The following CR1 variants were observed in gnomAD, a reference collection of about 807,000 sequenced individuals.
The protein encoded by CR1 is complement receptor type 1.
In CR1, 116 loss-of-function variants were observed where a neutral mutation model predicts 187.3. That is an observed-to-expected ratio of 0.62 (90% CI 0.53 to 0.72). CR1 has a LOEUF of 0.72. CR1 is among the 30% of genes least tolerant of loss of function. CR1 has a pLI of 0.00. For missense variants in CR1, 1,731 were observed against 2,110.7 expected (o/e 0.82, Z 3.52); for synonymous variants, 576 against 747.1 (o/e 0.77, Z 3.73).
chr1:207,588,237 G>T (rs1661169150), intron 34 of CR1, among the ~76,000 whole-genome samples: 1 of 152,120 alleles, frequency 6.6e-6, no homozygotes, highest in South Asian at 2.1e-4. Context: ...GGAGTGTAGT[G>T]GCGCGATCTT....
intron 43 of CR1, among the ~76,000 whole-genome samples, chr1:207,620,475 C>T (rs1662282015): frequency 6.6e-6 from 1 of 152,182 alleles, no homozygotes. Flanking sequence ...TTAGAAATTA[C>T]GTATCATTGA....
Position 207,587,459 on chromosome 1 carries a change from C to T in CR1, c.5604C>T (p.Val1868=), listed in dbSNP as rs12144461. 1.0e-2 allele frequency: 16,064 copies of T among 1,613,872 alleles called. 110 individuals are homozygous for T. The highest frequency in any genetic ancestry group is 0.011 in the Non-Finnish European group (13,155 of 1,179,780). ...CAATTAATGACTTTGAGTTTCCAGT[C>T]GGGACATCTTTGAATTATGAATGCC... ...TIPINDFEFP[V]GTSLNYECRP... is the part of the protein sequence containing the mutation. Residue 1868 remains valine, a synonymous_variant, in exon 34 of 47, where the codon GTC becomes GTT. Coordinates refer to ENST00000367049, the MANE Select transcript of CR1 (RefSeq NM_000651.6).
At chr1:207,568,123 G>A in intron 25 of CR1, 81 bp downstream of exon 25, 1 of 1,608,366 alleles carries the variant, frequency 6.2e-7, no homozygotes, top group Middle Eastern at 1.7e-4. Flanking sequence ...TTACAGTGTA[G>A]TATTTATTTG....
chr1:207,586,402 C>G (rs1661113923), intron 33 of CR1, among the ~76,000 whole-genome samples: 1 of 152,222 alleles, frequency 6.6e-6, no homozygotes, highest in South Asian at 2.1e-4. Flanking sequence ...TCCCAAAGTG[C>G]TGGGACTACA....
chr1:207,608,018 T>C (rs1661802403), intron 36 of CR1, among the ~76,000 whole-genome samples: 1 of 152,054 alleles, frequency 6.6e-6, no homozygotes, highest in Non-Finnish European at 1.5e-5. Context: ...TAAACAAAAG[T>C]AAAGTAAATA....
chr1:207,605,624 C>G (rs1661728528), intron 35 of CR1, among the ~76,000 whole-genome samples: 1 of 152,076 alleles, frequency 6.6e-6, no homozygotes, highest in Non-Finnish European at 1.5e-5. Context: ...CTCTAGGAGG[C>G]CAAAAGTCAG....
At chr1:207,588,431 A>G (rs1661174475) in intron 34 of CR1, among the ~76,000 whole-genome samples, 1 of 152,192 alleles carries the variant, frequency 6.6e-6, no homozygotes, top group Non-Finnish European at 1.5e-5. Flanking sequence ...TCGGCCTCCC[A>G]AAGTGCTAGG....
At chr1:207,582,924 G>A (rs1661001625) in intron 32 of CR1, among the ~76,000 whole-genome samples, 1 of 152,176 alleles carries the variant, frequency 6.6e-6, no homozygotes. Context: ...TTAAGCTTGG[G>A]ACATAACTTT....
chr1:207,511,942 T>A (rs1659634872), intron 4 of CR1, among the ~76,000 whole-genome samples: 1 of 152,178 alleles, frequency 6.6e-6, no homozygotes. Flanking sequence ...CCACCTCCAG[T>A]ATAATAATCA....
intron 1 of CR1, among the ~76,000 whole-genome samples, chr1:207,498,887 A>AAAAAAAAAAAAAAAAAAG (rs1553284415): frequency 1.3e-5 from 2 of 149,158 alleles, no homozygotes; most frequent in African/African-American, 2.5e-5. Context: ...CAAAAAAAAA[A>AAAAAAAAAAAAAAAAAAG]AAAAAAGAAA....
At chr1:207,633,652 AAT>A (rs1662719305) in intron 46 of CR1, among the ~76,000 whole-genome samples, 1 of 152,206 alleles carries the variant, frequency 6.6e-6, no homozygotes, top group African/African-American at 2.4e-5. Flanking sequence ...ACTTCTGATG[AAT>A]AGAGACAATT....
chr1:207,612,136 A>T (rs1316245838), intron 39 of CR1, 95 bp downstream of exon 39: 33 of 1,263,036 alleles, frequency 2.6e-5, no homozygotes, highest in Non-Finnish European at 3.6e-5. Flanking sequence ...GACCTAGTAG[A>T]TAAGAAGTAC....
At chr1:207,587,872 G>T (rs1484506033) in intron 34 of CR1, among the ~76,000 whole-genome samples, 1 of 152,244 alleles carries the variant, frequency 6.6e-6, no homozygotes, top group South Asian at 2.1e-4. Flanking sequence ...CTTCTTGCTT[G>T]TAGTTCCTGA....
Position 207,611,702 on chromosome 1 carries a change from G to T in CR1, c.6321G>T (p.Leu2107=). 3 of 1,613,900 alleles carry T rather than the reference G, an allele frequency of 1.9e-6. No homozygotes were observed. The highest frequency in any genetic ancestry group is 2.5e-6 in the Non-Finnish European group (3 of 1,179,848). ...SRVCQPPPEI[L]HGEHTLSHQD... The stretch of plus-strand genomic sequence containing the variant: ...TGTGTCAGCCGCCTCCAGAAATCCT[G>T]CATGGTGAGCATACCCTAAGCCATC... Residue 2107 remains leucine (L), a synonymous_variant, in exon 38 of 47, where the codon CTG becomes CTT. Transcript: ENST00000367049.
chr1:207,581,980 A>G lies in CR1; in HGVS notation c.5279A>G (p.Asn1760Ser). The G allele has an allele frequency of 1.2e-6, 2 of 1,612,946 alleles. No homozygotes were observed. Among genetic ancestry groups the G allele is most frequent in the East Asian group, 2.2e-5 (1 of 44,838 alleles). Residue 1760 changes from asparagine (N) to serine (S), a missense_variant, in exon 32 of 47, where the codon AAT (asparagine) becomes AGT (serine). This residue lies in a region of CR1 where 1,312 missense variants were observed against 1,379.6 expected (regional missense o/e 0.95). Transcript: ENST00000367049. ...TTGGTTGGAATGAGAAGCCTTTGGA[A>G]TAACAGTGTTCCTGTGTGTGAACGT... ...CVLVGMRSLW[N>S]NSVPVCEHIF...
chr1:207,526,640 T>C (rs1422876340), intron 5 of CR1, 113 bp from the exon 6 acceptor site: 3 of 1,450,666 alleles, frequency 2.1e-6, no homozygotes, highest in Non-Finnish European at 2.7e-6. Context: ...AAGGCTGTTA[T>C]TCTAACTTTA....
chr1:207,606,625 A>G (rs1249373019), intron 35 of CR1: 1 of 152,248 alleles, frequency 6.6e-6, no homozygotes, highest in Non-Finnish European at 1.5e-5. Context: ...CGTTGCTCAC[A>G]GTAACATTAT....
rs1024295251 is a variant in CR1 at position 207,503,145 on chromosome 1, G to A, written c.122-2759G>A. Among the ~76,000 whole-genome samples the A allele has an allele frequency of 1.3e-4, 20 of 152,134 alleles. 1 individual carries two copies. The highest frequency in any genetic ancestry group is 4.8e-4 in the African/African-American group (20 of 41,424). On this transcript the variant is annotated intron_variant, in intron 1 of 46. Transcript: ENST00000367049. ...TGAAGTGCCTTCTGTGTATGTGGCA[G>A]CATATACTACTTTTGATTCTCCCTG...
intron 35 of CR1, 137 bp from the exon 36 acceptor site, chr1:207,607,114 G>A (rs1426253909): frequency 1.7e-6 from 1 of 580,948 alleles, no homozygotes; most frequent in African/African-American, 1.8e-5. Flanking sequence ...AGATGGAGAT[G>A]GGGTTTCTTC....
Sources: gnomAD v4.1 joint callset for allele counts (sites outside exome capture counted in the v4.1 genomes callset) on GRCh38, gnomAD v4.1.1 for gene constraint, gnomAD v4.1.1 regional missense constraint, MANE v1.5 for transcripts, NCBI Gene and HGNC (gene_info 2026-07-23, HGNC 2026-07-21) for gene names.